The following PARD3B variants were observed in gnomAD, a reference collection of about 807,000 sequenced individuals.
PARD3B encodes par-3 family cell polarity regulator beta.
A neutral mutation model predicts 130.2 loss-of-function variants in PARD3B; 103 were observed. The ratio of observed to expected loss-of-function variants is 0.79; its 90% CI spans 0.67 to 0.93. The LOEUF is 0.93. Ranked by LOEUF, PARD3B falls within the 40% of genes least tolerant of loss-of-function variation. The pLI, the probability that PARD3B is intolerant of heterozygous loss-of-function variation, is 0.00. For missense variants in PARD3B, 1,609 were observed against 1,499.2 expected (o/e 1.07, Z -1.21); for synonymous variants, 583 against 553.2 (o/e 1.05, Z -0.76).
intron 1 of PARD3B, among the ~76,000 whole-genome samples, chr2:204,581,022 T>G (rs1278197690): frequency 6.6e-6 from 1 of 152,244 alleles, no homozygotes; most frequent in Non-Finnish European, 1.5e-5. Flanking sequence ...AACTACCAGA[T>G]GGGATATTAT....
At chr2:205,237,219 C>T (rs768654282) in intron 15 of PARD3B, among the ~76,000 whole-genome samples, 16 of 152,110 alleles carry the variant, frequency 1.1e-4, no homozygotes, top group Non-Finnish European at 1.9e-4. Flanking sequence ...CCTGCCTTAG[C>T]CTCCCAAGTA....
chr2:205,210,488 A>G (rs1222316220), intron 15 of PARD3B, among the ~76,000 whole-genome samples: 2 of 152,152 alleles, frequency 1.3e-5, no homozygotes, highest in Non-Finnish European at 2.9e-5. Context: ...ACTCTTTGCC[A>G]TAAAAGTTGT....
intron 2 of PARD3B, among the ~76,000 whole-genome samples, chr2:204,883,518 G>A (rs1227186712): frequency 7.2e-6 from 1 of 138,890 alleles, no homozygotes; most frequent in African/African-American, 2.8e-5. Flanking sequence ...GCCCAATCTC[G>A]CTCGCTGCAA....
intron 18 of PARD3B, among the ~76,000 whole-genome samples, chr2:205,363,700 T>C (rs1287587469): frequency 1.3e-5 from 2 of 152,158 alleles, no homozygotes; most frequent in Non-Finnish European, 2.9e-5. Context: ...AGTCTCACTC[T>C]GTTGCCCAGG....
At chr2:205,195,938 GT>G (rs2036660055) in intron 15 of PARD3B, among the ~76,000 whole-genome samples, 1 of 151,994 alleles carries the variant, frequency 6.6e-6, no homozygotes, top group Non-Finnish European at 1.5e-5. Flanking sequence ...CAGTAGCCTT[GT>G]TTTTGTTTCA....
chr2:204,846,308 G>A (rs545410890), intron 2 of PARD3B, among the ~76,000 whole-genome samples: 12 of 152,176 alleles, frequency 7.9e-5, no homozygotes, highest in African/African-American at 2.9e-4. Context: ...GATGGAAATT[G>A]CTAAAGCCTT....
chr2:204,899,523 C>T (rs1050481041), intron 2 of PARD3B, among the ~76,000 whole-genome samples: 2 of 152,100 alleles, frequency 1.3e-5, no homozygotes, highest in African/African-American at 2.4e-5. Context: ...TACACTTTAA[C>T]TTTGTCCCTT....
chr2:204,783,343 G>C (rs750863798), intron 2 of PARD3B, among the ~76,000 whole-genome samples: 1 of 152,086 alleles, frequency 6.6e-6, no homozygotes, highest in African/African-American at 2.4e-5. Context: ...TATGTGGCCT[G>C]TTCTCTGTGT....
chr2:205,050,951 T>C (rs1414325711), intron 4 of PARD3B, among the ~76,000 whole-genome samples: 1 of 152,132 alleles, frequency 6.6e-6, no homozygotes, highest in Non-Finnish European at 1.5e-5. Flanking sequence ...ATTAATAATG[T>C]CTTCACAAAC....
At chr2:204,602,116 GTCACTTGCCATTTACT>G (rs2033537587) in intron 1 of PARD3B, among the ~76,000 whole-genome samples, 2 of 152,026 alleles carry the variant, frequency 1.3e-5, no homozygotes, top group South Asian at 4.1e-4. Flanking sequence ...CCTCAGCTCT[GTCACTTGCCATTTACT>G]CCTTGAGCCT....
intron 2 of PARD3B, among the ~76,000 whole-genome samples, chr2:204,852,894 G>A (rs926702920): frequency 6.6e-6 from 1 of 152,026 alleles, no homozygotes; most frequent in African/African-American, 2.4e-5. Flanking sequence ...CATTTGTCTT[G>A]ATAATAAAAA....
At chr2:204,869,299 G>A (rs2045544913) in intron 2 of PARD3B, among the ~76,000 whole-genome samples, 2 of 152,104 alleles carry the variant, frequency 1.3e-5, no homozygotes, top group Non-Finnish European at 2.9e-5. Context: ...TTCTGGAGTG[G>A]GGCCCAGGAC....
Position 205,280,382 on chromosome 2 carries a change from A to G in PARD3B, c.2186-20148A>G, listed in dbSNP as rs1471217305. ...TTCAAAATTACTTTTTCTCTTTTCA[A>G]TGGAATTCACGACTGTTCTTGGTTT... On this transcript the variant is annotated intron_variant, in intron 16 of 22. Transcript: ENST00000406610. This position sits in a 1 kb window ranked among gnomAD's most constrained non-coding sequence, Gnocchi z 4.7. Among the ~76,000 whole-genome samples the G allele has an allele frequency of 1.3e-5, 2 of 152,228 alleles. No individual in the cohort carries two copies. Among genetic ancestry groups the G allele is most frequent in the Non-Finnish European group, 2.9e-5 (2 of 68,036 alleles).
At chr2:205,432,488 A>G (rs577089569) in intron 19 of PARD3B, among the ~76,000 whole-genome samples, 5 of 151,960 alleles carry the variant, frequency 3.3e-5, no homozygotes, top group African/African-American at 4.8e-5. Flanking sequence ...ACTCCCTCAC[A>G]CTGGCCTTGC....
At chr2:205,170,946 A>G (rs2035142394) in intron 11 of PARD3B, among the ~76,000 whole-genome samples, 1 of 152,198 alleles carries the variant, frequency 6.6e-6, no homozygotes, top group Non-Finnish European at 1.5e-5. Context: ...ATTGTCGTGG[A>G]AGAACTAAAG....
intron 18 of PARD3B, among the ~76,000 whole-genome samples, chr2:205,368,354 C>T (rs1271769170): frequency 1.3e-5 from 2 of 151,948 alleles, no homozygotes; most frequent in Admixed American, 6.6e-5. Context: ...TAAAATAGGC[C>T]GGGTTTGGTG....
intron 19 of PARD3B, among the ~76,000 whole-genome samples, chr2:205,403,578 A>G (rs1237302965): frequency 6.6e-6 from 1 of 152,196 alleles, no homozygotes; most frequent in Non-Finnish European, 1.5e-5. Context: ...AATGTGGTCC[A>G]GGGACCAACT....
At chr2:205,254,223 G>A (rs2125935172) in intron 16 of PARD3B, among the ~76,000 whole-genome samples, 1 of 151,498 alleles carries the variant, frequency 6.6e-6, no homozygotes, top group African/African-American at 2.4e-5. Flanking sequence ...TTCACCAAAT[G>A]GCTGTCTAGC....
In PARD3B at chr2:205,446,317, CTCACTGAGGG is replaced by C. The variant is rs537026396; in HGVS notation, c.3044+5647_3044+5656del. Among the ~76,000 whole-genome samples the C allele has an allele frequency of 1.8e-3, 271 of 152,228 alleles. 1 individual carries two copies. The highest frequency in any genetic ancestry group is 6.3e-3 in the African/African-American group (260 of 41,546). ...GAGAAGAGCTCGCTGAGGGGAAGAA[CTCACTGAGGG>C]TTTTAACGTGAGATATAATCCTGGA... On this transcript the variant is annotated intron_variant, in intron 20 of 22. Transcript: ENST00000406610. This position sits in a 1 kb window ranked among gnomAD's most constrained non-coding sequence, Gnocchi z 4.4.
Sources: allele counts gnomAD v4.1 joint callset (sites outside exome capture counted in the v4.1 genomes callset), GRCh38; gene constraint gnomAD v4.1.1; non-coding constraint Gnocchi (gnomAD v3.1); transcripts MANE v1.5; gene names NCBI Gene and HGNC (gene_info 2026-07-23, HGNC 2026-07-21).